The following AP5Z1 variants were observed in gnomAD, a reference collection of about 807,000 sequenced individuals.
The protein encoded by AP5Z1 is adaptor related protein complex 5 subunit zeta 1.
Under a neutral mutation model 83.0 loss-of-function variants are expected in AP5Z1, and 106 were observed. That is an observed-to-expected ratio of 1.28 (90% confidence interval 1.09 to 1.50). AP5Z1 has a LOEUF of 1.50. AP5Z1 is among the 40% of genes most tolerant of loss of function. The pLI is 0.00. For missense variants in AP5Z1, 1,565 were observed against 1,094.2 expected (o/e 1.43, Z -6.07); for synonymous variants, 751 against 514.1 (o/e 1.46, Z -6.23).
Position 4,789,972 on chromosome 7 carries a change from C to G in AP5Z1, c.1805+43C>G, listed in dbSNP as rs1482582782. Reference sequence around the variant, plus strand: ...TCCTGCCACAGCCCTGGGCGGGTGCCTCCTGGACTCCTCCCCCTCTCCCCT... The same window carrying G: ...TCCTGCCACAGCCCTGGGCGGGTGCGTCCTGGACTCCTCCCCCTCTCCCCT... On this transcript the variant is annotated intron_variant, in intron 14 of 16. Transcript: ENST00000649063. 15 of 1,432,788 alleles carry G rather than the reference C, an allele frequency of 1.0e-5. No individual in the cohort carries two copies. In the East Asian group the frequency reaches 2.8e-4, roughly 26 times the overall value. 88.8% of individuals were successfully genotyped at this position (1,432,788 alleles called of 1,614,324 possible). A position where few individuals can be genotyped will look rare whatever the true frequency, so the allele number is the denominator to read the frequency against.
At chr7:4,789,487 C>T (rs1379781938) in intron 13 of AP5Z1, among the ~76,000 whole-genome samples, 2 of 152,264 alleles carry the variant, frequency 1.3e-5, no homozygotes, top group African/African-American at 4.8e-5. Flanking sequence ...CAAGCCAGTG[C>T]AGGAGAGCCT....
intron 1 of AP5Z1, among the ~76,000 whole-genome samples, chr7:4,779,068 A>G (rs1781301055): frequency 6.8e-6 from 1 of 146,178 alleles, no homozygotes. Context: ...AGATATAAAA[A>G]TATATTTTTA....
At chr7:4,776,998 A>G (rs1583223548) in intron 1 of AP5Z1, among the ~76,000 whole-genome samples, 1 of 152,300 alleles carries the variant, frequency 6.6e-6, no homozygotes, top group African/African-American at 2.4e-5. Flanking sequence ...TGCTGTGATT[A>G]TAGTGAGTGA....
chr7:4,792,072 G>C lies in AP5Z1; in HGVS notation c.*687G>C, dbSNP rs189323274. The C allele has an allele frequency of 2.6e-5, 4 of 152,336 alleles. No homozygotes were observed. The highest frequency in any genetic ancestry group is 5.9e-5 in the Non-Finnish European group (4 of 68,134). 9.4% of individuals were successfully genotyped at this position (152,336 alleles called of 1,614,324 possible). On this transcript the variant is annotated 3_prime_UTR_variant, in exon 17 of 17. Coordinates refer to ENST00000649063, the MANE Select transcript of AP5Z1 (RefSeq NM_014855.3). ...GGCTGCGGCCTCTGGCCATTCGGAG[G>C]GAAGGCCCCAGGGAGCCACCTGAGT...
At chr7:4,776,989 G>T (rs140485272) in intron 1 of AP5Z1, among the ~76,000 whole-genome samples, 137 of 152,276 alleles carry the variant, frequency 9.0e-4, no homozygotes, top group African/African-American at 3.1e-3. Context: ...GGTTGAAATT[G>T]CTGTGATTAT....
chr7:4,785,238 C>G (rs553701574), intron 7 of AP5Z1, among the ~76,000 whole-genome samples, 177 bp from the exon 8 acceptor site: 1 of 152,210 alleles, frequency 6.6e-6, no homozygotes, highest in African/African-American at 2.4e-5. Context: ...ACCCCAGCCC[C>G]CAGCCCGGCC....
intron 1 of AP5Z1, among the ~76,000 whole-genome samples, chr7:4,778,665 G>A (rs6955055): frequency 0.013 from 1,968 of 151,284 alleles, 50 homozygotes; most frequent in African/African-American, 0.046. Context: ...GAATTTAATC[G>A]GGATGAGGGG....
chr7:4,781,860 A>G (rs182415570), intron 3 of AP5Z1, 106 bp downstream of exon 3: 28 of 1,313,850 alleles, frequency 2.1e-5, no homozygotes, highest in Middle Eastern at 2.5e-4. Context: ...TGCTTGTTGT[A>G]GACGCATCTC....
At chr7:4,785,283 C>T in intron 7 of AP5Z1, 132 bp from the exon 8 acceptor site, 3 of 1,352,950 alleles carry the variant, frequency 2.2e-6, no homozygotes, top group Non-Finnish European at 3.0e-6. Flanking sequence ...CAGTCCCACT[C>T]AAGTCCTCCT....
intron 11 of AP5Z1, among the ~76,000 whole-genome samples, 153 bp downstream of exon 11, chr7:4,787,929 G>C (rs1281894503): frequency 3.3e-5 from 5 of 152,066 alleles, no homozygotes; most frequent in African/African-American, 9.7e-5. Flanking sequence ...GCCACCTCTA[G>C]GACAGGGTGT....
At chr7:4,777,836 A>G (rs185248747) in intron 1 of AP5Z1, among the ~76,000 whole-genome samples, 3 of 152,308 alleles carry the variant, frequency 2.0e-5, no homozygotes, top group South Asian at 2.1e-4. Context: ...AGGTTAATCT[A>G]TTAGGGCTTA....
At position 4,792,184 on chromosome 7, in the gene AP5Z1, A is replaced by T. The variant is rs1781799788; in HGVS notation, c.*799A>T. On this transcript the variant is annotated 3_prime_UTR_variant, in exon 17 of 17. Coordinates refer to ENST00000649063, the MANE Select transcript of AP5Z1 (RefSeq NM_014855.3). ...CCACCTTCCTGGGCCCTGTGGTCCC[A>T]CCCTCCGGACTACCAAGGCACAGCT... 1 of 151,828 alleles carries T rather than the reference A, an allele frequency of 6.6e-6. No individual in the cohort carries two copies. The highest frequency in any genetic ancestry group is 1.5e-5 in the Non-Finnish European group (1 of 67,968). 9.4% of individuals were successfully genotyped at this position (151,828 alleles called of 1,614,324 possible). A position where few individuals can be genotyped will look rare whatever the true frequency, so the allele number is the denominator to read the frequency against.
rs1382505333 is a variant in AP5Z1 at position 4,785,938 on chromosome 7, A to G, written c.1132+254A>G. Among the ~76,000 whole-genome samples the G allele has an allele frequency of 3.3e-5, 5 of 152,134 alleles. No homozygotes were observed. In the East Asian group the frequency reaches 7.7e-4, roughly 24 times the overall value. On this transcript the variant is annotated intron_variant, in intron 9 of 16. Coordinates refer to ENST00000649063, the MANE Select transcript of AP5Z1 (RefSeq NM_014855.3). The stretch of plus-strand genomic sequence containing the variant: ...TCTTTTTGATGGATTGCTGTGCCAG[A>G]TGTTGGTAATTTTTAAACTTTTAAA...
chr7:4,778,791 ATAT>A (rs1781289387), intron 1 of AP5Z1, among the ~76,000 whole-genome samples: 1 of 145,648 alleles, frequency 6.9e-6, no homozygotes, highest in African/African-American at 2.5e-5. Flanking sequence ...GTAATATATA[ATAT>A]AATTATATGT....
At chr7:4,779,427 CAT>C (rs1369739138) in intron 1 of AP5Z1, among the ~76,000 whole-genome samples, 3 of 143,786 alleles carry the variant, frequency 2.1e-5, no homozygotes, top group Non-Finnish European at 3.0e-5. Context: ...ACATATATAT[CAT>C]ATATAACATA....
chr7:4,785,069 A>G (rs376412100), intron 7 of AP5Z1, 21 bp downstream of exon 7: 3 of 1,579,358 alleles, frequency 1.9e-6, no homozygotes, highest in African/African-American at 1.3e-5. Context: ...CACCCAGGGC[A>G]CTGGCCTCCC....
chr7:4,779,187 T>C (rs1049723457), intron 1 of AP5Z1, among the ~76,000 whole-genome samples: 1 of 146,568 alleles, frequency 6.8e-6, no homozygotes, highest in Non-Finnish European at 1.5e-5. Context: ...ATAACATATA[T>C]AACAACATAA....
intron 14 of AP5Z1, 63 bp downstream of exon 14, chr7:4,789,992 T>TCCCCCCCCCCCCCCCC: frequency 1.9e-6 from 1 of 516,478 alleles, no homozygotes. Context: ...CCTCCCCCTC[T>TCCCCCCCCCCCCCCCC]CCCCTCCCCC....
chr7:4,791,610 A>G lies in AP5Z1; in HGVS notation c.*225A>G. 1.5e-6 allele frequency: 1 copy of G among 651,468 alleles called. No homozygotes were observed. The highest frequency in any genetic ancestry group is 2.8e-5 in the East Asian group (1 of 35,512). The allele number at this position is 651,468 out of a possible 1,614,324, so 40.4% of individuals were successfully genotyped here. A position where few individuals can be genotyped will look rare whatever the true frequency, so the allele number is the denominator to read the frequency against. On this transcript the variant is annotated 3_prime_UTR_variant, in exon 17 of 17. Coordinates refer to ENST00000649063, the MANE Select transcript of AP5Z1 (RefSeq NM_014855.3). The stretch of plus-strand genomic sequence containing the variant: ...TCCCAGGCAACACTGAGCTGAGCTG[A>G]GGGGTGCCATGGAGCGGCTCTGATT...
Sources: gnomAD v4.1 joint callset for allele counts (sites outside exome capture counted in the v4.1 genomes callset) on GRCh38, gnomAD v4.1.1 for gene constraint, MANE v1.5 for transcripts, NCBI Gene and HGNC (gene_info 2026-07-23, HGNC 2026-07-21) for gene names.